The following ABLIM2 variants were observed in gnomAD, a reference collection of about 807,000 sequenced individuals.
The protein encoded by ABLIM2 is actin binding LIM protein family member 2.
A neutral mutation model predicts 97.7 loss-of-function variants in ABLIM2; 53 were observed. The observed-to-expected ratio is 0.54, with a 90% CI of 0.44 to 0.68. The LOEUF (loss-of-function observed/expected upper bound fraction) is 0.68. Ranked by LOEUF, ABLIM2 falls within the 30% of genes least tolerant of loss-of-function variation. The pLI, the probability that ABLIM2 is intolerant of heterozygous loss-of-function variation, is 0.00. For synonymous variants in ABLIM2, 361 were observed against 345.8 expected (o/e 1.04, Z -0.49); for missense variants, 835 against 867.2 (o/e 0.96, Z 0.47).
intron 1 of ABLIM2, among the ~76,000 whole-genome samples, chr4:8,111,926 C>CAA (rs59261859): frequency 0.026 from 3,100 of 120,882 alleles, 102 homozygotes; most frequent in East Asian, 0.14. Context: ...GACTCTGTCT[C>CAA]AAAAAAAAAA....
rs1024801749 is a variant in ABLIM2 at position 7,966,080 on chromosome 4, T to C, written c.*910A>G. ...CTCACATGTATTTACAAAGCGTTCT[T>C]TAGAGGGGTCTGTCTTTAAGGTTAC... On this transcript the variant is annotated 3_prime_UTR_variant, in exon 21 of 21. Transcript: ENST00000447017. 1 of 152,102 alleles carries C rather than the reference T, an allele frequency of 6.6e-6. No homozygotes were observed. The highest frequency in any genetic ancestry group is 2.4e-5 in the African/African-American group (1 of 41,394). 9.4% of individuals were successfully genotyped at this position (152,102 alleles called of 1,614,324 possible).
intron 1 of ABLIM2, among the ~76,000 whole-genome samples, chr4:8,107,481 G>T (rs3942364): frequency 6.6e-6 from 1 of 152,150 alleles, no homozygotes. Flanking sequence ...TTGAGGAGGA[G>T]TTGGTAGATG....
chr4:8,100,086 T>TGGC (rs1244135607), intron 2 of ABLIM2, among the ~76,000 whole-genome samples: 1 of 151,978 alleles, frequency 6.6e-6, no homozygotes, highest in Admixed American at 6.6e-5. Flanking sequence ...CAGGAGAGGG[T>TGGC]GGCGGCTGGG....
At chr4:8,106,663 G>C in intron 1 of ABLIM2, 26 bp from the exon 2 acceptor site, 1 of 1,582,228 alleles carries the variant, frequency 6.3e-7, no homozygotes, top group South Asian at 1.2e-5. Flanking sequence ...GAAGAGCAGC[G>C]TTCAAGGGTG....
In ABLIM2 at chr4:8,112,259, C is replaced by T. The variant is rs1386473031; in HGVS notation, c.11-5622G>A. On this transcript the variant is annotated intron_variant, in intron 1 of 20. Transcript: ENST00000447017. This position sits in a 1 kb window ranked among gnomAD's most constrained non-coding sequence, Gnocchi z 4.2. ...CCCTCCAGGCTGAACTCCTGGTCTG[C>T]CACCAGCCAGCCAGAATGGGAGCCA... 6.6e-6 allele frequency among the ~76,000 whole-genome samples: 1 copy of T among 152,198 alleles called. No homozygotes were observed. Among genetic ancestry groups the T allele is most frequent in the African/African-American group, 2.4e-5 (1 of 41,460 alleles).
chr4:7,977,963 T>C (rs1311336810), intron 20 of ABLIM2, among the ~76,000 whole-genome samples: 1 of 152,156 alleles, frequency 6.6e-6, no homozygotes, highest in African/African-American at 2.4e-5. Flanking sequence ...TCTGAGATGA[T>C]GTGCAAGAGA....
intron 2 of ABLIM2, among the ~76,000 whole-genome samples, chr4:8,102,008 C>T (rs1422456742): frequency 6.6e-6 from 1 of 152,210 alleles, no homozygotes; most frequent in African/African-American, 2.4e-5. Context: ...TGCCTCTAGC[C>T]TCCTCCCGAC....
chr4:8,132,580 T>A lies in ABLIM2; in HGVS notation c.11-25943A>T, dbSNP rs1464584875. Among the ~76,000 whole-genome samples the A allele has an allele frequency of 6.6e-6, 1 of 152,028 alleles. No individual in the cohort carries two copies. The highest frequency in any genetic ancestry group is 1.5e-5 in the Non-Finnish European group (1 of 67,988). On this transcript the variant is annotated intron_variant, in intron 1 of 20. Transcript: ENST00000447017. This position sits in a 1 kb window ranked among gnomAD's most constrained non-coding sequence, Gnocchi z 8.0. Reference sequence around the variant, plus strand: ...GGCACCTCACGGTCAGAAAACAGAATGCGGAAGGCCTGCTCACTGCCACCC... The same window carrying A: ...GGCACCTCACGGTCAGAAAACAGAAAGCGGAAGGCCTGCTCACTGCCACCC...
intron 3 of ABLIM2, among the ~76,000 whole-genome samples, chr4:8,091,870 CAATAT>C (rs1828939244): frequency 9.7e-6 from 1 of 102,698 alleles, no homozygotes; most frequent in African/African-American, 3.8e-5. Context: ...ATTATATATA[CAATAT>C]ATATTATAAT....
At chr4:8,100,648 C>T (rs1031018307) in intron 2 of ABLIM2, among the ~76,000 whole-genome samples, 4 of 149,074 alleles carry the variant, frequency 2.7e-5, no homozygotes, top group East Asian at 2.0e-4. Flanking sequence ...CGGGAGGCTG[C>T]GGCAGGAGAA....
In ABLIM2 at chr4:8,019,722, G is replaced by C. The variant is rs969662885; in HGVS notation, c.1370-51C>G. 4 of 1,520,726 alleles carry C rather than the reference G, an allele frequency of 2.6e-6. No homozygotes were observed. Among genetic ancestry groups the C allele is most frequent in the Middle Eastern group, 1.7e-4 (1 of 5,896 alleles). 94.2% of individuals were successfully genotyped at this position (1,520,726 alleles called of 1,614,324 possible). On this transcript the variant is annotated intron_variant, in intron 13 of 20. Transcript: ENST00000447017. The surrounding 1 kb of genome is among the most constrained non-coding windows in gnomAD (Gnocchi z 4.3). ...GAGAGAACAGGAGGGTAAGCAGCAAGTTGTGATGGTTTCTGTTCTACAGCT... is the reference window on the plus strand; with the variant it reads ...GAGAGAACAGGAGGGTAAGCAGCAACTTGTGATGGTTTCTGTTCTACAGCT...
chr4:7,973,060 G>A (rs1560326105), intron 20 of ABLIM2, among the ~76,000 whole-genome samples: 1 of 110,626 alleles, frequency 9.0e-6, no homozygotes, highest in African/African-American at 3.3e-5. Flanking sequence ...CTCCAGCAAT[G>A]AGCTGCTCCC....
chr4:8,027,676 G>A, intron 12 of ABLIM2, 83 bp downstream of exon 12: 1 of 1,144,980 alleles, frequency 8.7e-7, no homozygotes, highest in East Asian at 3.0e-5. Flanking sequence ...GTGAAGCCAT[G>A]CGGCAGACAT....
At chr4:8,047,649 T>G (rs1186921720) in intron 8 of ABLIM2, among the ~76,000 whole-genome samples, 3 of 152,242 alleles carry the variant, frequency 2.0e-5, no homozygotes, top group African/African-American at 7.2e-5. Context: ...CTGGGCCAGG[T>G]CGAATGTTTT....
In ABLIM2 at chr4:8,046,369, T is replaced by C. The variant is rs7684537; in HGVS notation, c.823-1128A>G. On this transcript the variant is annotated intron_variant, in intron 8 of 20. Transcript: ENST00000447017. The surrounding 1 kb of genome is among the most constrained non-coding windows in gnomAD (Gnocchi z 4.4). ...CTCTCACTGGAGCTGCACACCCCTC[T>C]CCTGGTTCAGCCCTCACTCCTGGGC... Among the ~76,000 whole-genome samples the C allele has an allele frequency of 0.23, 35,280 of 151,808 alleles. 4,397 individuals carry two copies. The highest frequency in any genetic ancestry group is 0.32 in the South Asian group (1,533 of 4,798).
chr4:8,020,465 G>A (rs750868704), intron 12 of ABLIM2, 162 bp from the exon 13 acceptor site: 74 of 719,194 alleles, frequency 1.0e-4, no homozygotes, highest in South Asian at 9.9e-4. Context: ...CCTCATCCAC[G>A]TTCCCAGACT....
rs1164294744 is a variant in ABLIM2 at position 8,069,825 on chromosome 4, G to A, written c.675+7803C>T. ...GTGTGTCTCTATGTGTTGTCTGTGT[G>A]TACGTGTCTGTGGGTGCCGTGTGTG... On this transcript the variant is annotated intron_variant, in intron 6 of 20. Transcript: ENST00000447017. This position sits in a 1 kb window ranked among gnomAD's most constrained non-coding sequence, Gnocchi z 4.2. Among the ~76,000 whole-genome samples the A allele has an allele frequency of 1.3e-5, 2 of 152,046 alleles. No individual in the cohort carries two copies. The highest frequency in any genetic ancestry group is 2.9e-5 in the Non-Finnish European group (2 of 68,008).
intron 6 of ABLIM2, among the ~76,000 whole-genome samples, chr4:8,074,340 G>A (rs567636418): frequency 6.6e-5 from 10 of 152,048 alleles, no homozygotes; most frequent in Admixed American, 1.3e-4. Context: ...CTGTAGTCCC[G>A]GCTACGTGGG....
rs1823298444 is a variant in ABLIM2 at position 8,085,952 on chromosome 4, C to T, written c.454+2217G>A. Among the ~76,000 whole-genome samples, 1 of 152,200 alleles carries T rather than the reference C, an allele frequency of 6.6e-6. No homozygotes were observed. Among genetic ancestry groups the T allele is most frequent in the Non-Finnish European group, 1.5e-5 (1 of 68,036 alleles). The stretch of plus-strand genomic sequence containing the variant: ...TCCGCCCCCTGATGGACAGAGCACC[C>T]AGCACACCCACCCCTGCCAGGTACA... On this transcript the variant is annotated intron_variant, in intron 4 of 20. Coordinates refer to ENST00000447017, the MANE Select transcript of ABLIM2 (RefSeq NM_001130083.2). This position sits in a 1 kb window ranked among gnomAD's most constrained non-coding sequence, Gnocchi z 6.1.
Sources: gnomAD v4.1 joint callset for allele counts (sites outside exome capture counted in the v4.1 genomes callset) on GRCh38, gnomAD v4.1.1 for gene constraint, Gnocchi (gnomAD v3.1) non-coding constraint, MANE v1.5 for transcripts, NCBI Gene and HGNC (gene_info 2026-07-23, HGNC 2026-07-21) for gene names.